Variants in PTPRR observed in about 807,000 individuals in gnomAD.
The protein encoded by PTPRR is receptor-type tyrosine-protein phosphatase R.
PTPRR carries 38 observed loss-of-function variants against 77.2 expected under a neutral mutation model. The ratio of observed to expected loss-of-function variants is 0.49; its 90% CI spans 0.38 to 0.65. The LOEUF is 0.65. Among genes scored for constraint, PTPRR ranks in the 30% least tolerant of loss-of-function variants. The pLI, the probability that PTPRR is intolerant of heterozygous loss-of-function variation, is 0.00. For missense variants in PTPRR, 744 were observed against 799.2 expected, an observed-to-expected ratio of 0.93 and a Z score of 0.83; for synonymous variants, 299 against 283.1, an observed-to-expected ratio of 1.06 and a Z score of -0.57.
At chr12:70,871,267 A>G (rs932340473) in intron 2 of PTPRR, among the ~76,000 whole-genome samples, 13 of 152,190 alleles carry the variant, frequency 8.5e-5, no homozygotes, top group Admixed American at 8.5e-4. Context: ...AATAGCAGCA[A>G]ACTCAGCCTG....
At chr12:70,662,428 TTCAAAG>T in intron 11 of PTPRR, 61 bp downstream of exon 11, 2 of 901,964 alleles carry the variant, frequency 2.2e-6, no homozygotes, top group Non-Finnish European at 3.3e-6. Flanking sequence ...CTTAAATAAT[TTCAAAG>T]TAGAAATGTA....
intron 6 of PTPRR, among the ~76,000 whole-genome samples, chr12:70,707,200 A>G (rs1888649973): frequency 6.6e-6 from 1 of 152,120 alleles, no homozygotes; most frequent in East Asian, 1.9e-4. Flanking sequence ...CAATGTTTTC[A>G]TGATTCAAAA....
intron 2 of PTPRR, among the ~76,000 whole-genome samples, chr12:70,868,980 G>A (rs1324875479): frequency 3.6e-5 from 5 of 138,198 alleles, no homozygotes; most frequent in African/African-American, 1.4e-4. Context: ...TGGGAATTGA[G>A]CAATGAGAAC....
At chr12:70,829,736 G>T (rs1367031935) in intron 2 of PTPRR, among the ~76,000 whole-genome samples, 1 of 152,168 alleles carries the variant, frequency 6.6e-6, no homozygotes, top group Non-Finnish European at 1.5e-5. Flanking sequence ...TTCTAAGGAG[G>T]TTGGTCTTGC....
intron 1 of PTPRR, among the ~76,000 whole-genome samples, chr12:70,895,634 A>G (rs1361858108): frequency 6.6e-6 from 1 of 151,628 alleles, no homozygotes; most frequent in Non-Finnish European, 1.5e-5. Flanking sequence ...TACCCGGGAC[A>G]TGATGATACA....
chr12:70,821,213 C>CTTTTTTTTTTTTTTTTTTTTTTTTT lies in PTPRR; in HGVS notation c.358-56460_358-56436dup, dbSNP rs61539990. Among the ~76,000 whole-genome samples the CTTTTTTTTTTTTTTTTTTTTTTTTT allele has an allele frequency of 2.8e-3, 89 of 31,990 alleles. 23 individuals are homozygous for CTTTTTTTTTTTTTTTTTTTTTTTTT. The highest frequency in any genetic ancestry group is 0.033 in the Middle Eastern group (1 of 30). The allele number at this position is 31,990 out of a possible 152,430, so 21.0% of individuals were successfully genotyped here. On this transcript the variant is annotated intron_variant, in intron 2 of 13. Coordinates refer to ENST00000283228, the MANE Select transcript of PTPRR (RefSeq NM_002849.4). ...CAAAACATGTTGAAAGGGATCACTG[C>CTTTTTTTTTTTTTTTTTTTTTTTTT]TTTTTTTTTTTTTTTTTTTTTTTTT...
At chr12:70,756,852 G>A (rs1474274248) in intron 4 of PTPRR, among the ~76,000 whole-genome samples, 1 of 152,136 alleles carries the variant, frequency 6.6e-6, no homozygotes, top group Non-Finnish European at 1.5e-5. Context: ...ACGATTCAGA[G>A]ATACAGAGGA....
intron 2 of PTPRR, among the ~76,000 whole-genome samples, chr12:70,870,205 C>A (rs1892936066): frequency 6.6e-6 from 1 of 152,022 alleles, no homozygotes; most frequent in African/African-American, 2.4e-5. Context: ...CCAAAGCCCA[C>A]AGATGAAAGG....
chr12:70,762,560 G>A (rs917048070), intron 3 of PTPRR, among the ~76,000 whole-genome samples: 12 of 152,182 alleles, frequency 7.9e-5, no homozygotes, highest in African/African-American at 2.4e-4. Context: ...AAATACTGAT[G>A]TGAAACATGT....
At chr12:70,884,930 C>G (rs1441556418) in intron 2 of PTPRR, among the ~76,000 whole-genome samples, 2 of 145,508 alleles carry the variant, frequency 1.4e-5, no homozygotes, top group Non-Finnish European at 3.0e-5. Context: ...AGGAACAGCA[C>G]TGTCCTTCTT....
chr12:70,663,933 A>G (rs756588711), intron 10 of PTPRR, among the ~76,000 whole-genome samples: 15 of 152,248 alleles, frequency 9.9e-5, no homozygotes, highest in Admixed American at 6.5e-4. Context: ...AAAGAGCAGC[A>G]AAAGACTCAC....
intron 4 of PTPRR, among the ~76,000 whole-genome samples, chr12:70,754,944 C>T (rs974881024): frequency 1.3e-5 from 2 of 151,670 alleles, no homozygotes; most frequent in Non-Finnish European, 2.9e-5. Context: ...AATTATTTGT[C>T]AATAAAAGGT....
At chr12:70,686,676 A>G (rs138831720) in intron 8 of PTPRR, among the ~76,000 whole-genome samples, 17 of 152,310 alleles carry the variant, frequency 1.1e-4, no homozygotes, top group African/African-American at 3.4e-4. Flanking sequence ...AAGCAGCCCA[A>G]TGAAGAGAGA....
chr12:70,796,624 C>T (rs1047062539), intron 2 of PTPRR, among the ~76,000 whole-genome samples: 8 of 152,032 alleles, frequency 5.3e-5, no homozygotes, highest in African/African-American at 7.2e-5. Context: ...TGAGAATTTA[C>T]GTTTTTAGGG....
chr12:70,664,065 G>C (rs375052773), intron 10 of PTPRR, among the ~76,000 whole-genome samples: 1 of 152,158 alleles, frequency 6.6e-6, no homozygotes, highest in African/African-American at 2.4e-5. Context: ...TCACCTAGCA[G>C]AATCAGTTTC....
intron 10 of PTPRR, among the ~76,000 whole-genome samples, chr12:70,675,861 T>C (rs1887425802): frequency 6.6e-6 from 1 of 152,040 alleles, no homozygotes; most frequent in East Asian, 1.9e-4. Context: ...ATTCTACTGA[T>C]TTTTGGCTTC....
At chr12:70,788,519 T>A (rs952767228) in intron 2 of PTPRR, among the ~76,000 whole-genome samples, 1 of 152,238 alleles carries the variant, frequency 6.6e-6, no homozygotes, top group African/African-American at 2.4e-5. Flanking sequence ...TTGAGTTCTG[T>A]TCAAGTGAAC....
At chr12:70,674,469 TAC>T (rs1372640393) in intron 10 of PTPRR, among the ~76,000 whole-genome samples, 9 of 152,220 alleles carry the variant, frequency 5.9e-5, no homozygotes, top group Non-Finnish European at 1.0e-4. Context: ...GCAGGTAATT[TAC>T]AGTTATATTA....
chr12:70,649,332 A>C (rs115651974), intron 13 of PTPRR, among the ~76,000 whole-genome samples: 3,485 of 152,210 alleles, frequency 0.023, 77 homozygotes, highest in African/African-American at 0.041. Flanking sequence ...TGTTAGCCAT[A>C]CCTGGACTCC....
Sources: allele counts gnomAD v4.1 joint callset (sites outside exome capture counted in the v4.1 genomes callset), GRCh38; gene constraint gnomAD v4.1.1; transcripts MANE v1.5; gene names NCBI Gene and HGNC (gene_info 2026-07-23, HGNC 2026-07-21).